ANXA11: variants seen among roughly 807,000 people sequenced by gnomAD.
The protein encoded by ANXA11 is 56 kDa autoantigen.
ANXA11 carries 57 observed loss-of-function variants against 64.7 expected under a neutral mutation model. The ratio of observed to expected loss-of-function variants is 0.88; its 90% CI spans 0.71 to 1.10. ANXA11 has a LOEUF of 1.10. ANXA11 is among the 50% of genes least tolerant of loss of function. The pLI is 0.00. For missense variants in ANXA11, 675 were observed against 670.7 expected (o/e 1.01, Z -0.07); for synonymous variants, 260 against 265.2 (o/e 0.98, Z 0.19).
chr10:80,168,914 C>G, intron 5 of ANXA11, 55 bp downstream of exon 5: 1 of 1,453,276 alleles, frequency 6.9e-7, no homozygotes, highest in Non-Finnish European at 9.1e-7. Context: ...AGCCATGTGT[C>G]TCCAGCCTTT....
chr10:80,171,141 T>C, intron 3 of ANXA11: 3 of 1,453,068 alleles, frequency 2.1e-6, no homozygotes, highest in Non-Finnish European at 2.7e-6. Context: ...AAGGTGGAGT[T>C]CCCCAAACAC....
chr10:80,169,486 T>C (rs533596645), intron 4 of ANXA11, 128 bp from the exon 5 acceptor site: 9 of 1,112,320 alleles, frequency 8.1e-6, no homozygotes, highest in South Asian at 2.7e-5. Context: ...AGTACCGTTA[T>C]ACCCATTTCA....
chr10:80,171,774 T>C lies in ANXA11; in HGVS notation c.56-859A>G, dbSNP rs553508721. On this transcript the variant is annotated intron_variant, in intron 3 of 15. Coordinates refer to ENST00000422982, the MANE Select transcript of ANXA11 (RefSeq NM_145868.2). ...TCCCTAAATTTCCTGCCTCCTCCTC[T>C]CTTGCTGCTCAGAGGCTGCTCAGCT... The C allele has an allele frequency of 5.2e-5, 51 of 985,558 alleles. No individual in the cohort carries two copies. The African/African-American group carries it at 8.0e-4, about 15-fold the overall frequency. The allele number at this position is 985,558 out of a possible 1,614,324, so 61.1% of individuals were successfully genotyped here.
At chr10:80,204,582 T>C (rs934162469) in intron 1 of ANXA11, among the ~76,000 whole-genome samples, 3 of 152,238 alleles carry the variant, frequency 2.0e-5, no homozygotes. Flanking sequence ...GTTTCCAGCT[T>C]GGGCTAGCAC....
chr10:80,167,819 G>A (rs1845807251), intron 5 of ANXA11, among the ~76,000 whole-genome samples: 1 of 152,190 alleles, frequency 6.6e-6, no homozygotes, highest in Non-Finnish European at 1.5e-5. Context: ...CCCTCGCACT[G>A]TTCTCTAGAC....
At chr10:80,188,371 G>A (rs545403049) in intron 1 of ANXA11, among the ~76,000 whole-genome samples, 9 of 150,630 alleles carry the variant, frequency 6.0e-5, no homozygotes, top group Non-Finnish European at 1.3e-4. Flanking sequence ...CTTGTTAGCT[G>A]TGTGACCCTG....
At chr10:80,182,386 C>G (rs1372609930) in intron 1 of ANXA11, among the ~76,000 whole-genome samples, 1 of 151,968 alleles carries the variant, frequency 6.6e-6, no homozygotes, top group East Asian at 1.9e-4. Context: ...AGCATTCTTC[C>G]CTCTATCCTT....
chr10:80,158,098 G>T, intron 13 of ANXA11, 73 bp from the exon 14 acceptor site: 1 of 1,440,942 alleles, frequency 6.9e-7, no homozygotes, highest in Non-Finnish European at 9.8e-7. Flanking sequence ...GAGTCTACAA[G>T]TGTCCTCTTA....
chr10:80,174,200 A>G (rs1281332183), intron 2 of ANXA11, among the ~76,000 whole-genome samples: 4 of 150,690 alleles, frequency 2.7e-5, no homozygotes, highest in African/African-American at 9.7e-5. Context: ...GCCACCACAC[A>G]CAGCTAATTT....
intron 1 of ANXA11, among the ~76,000 whole-genome samples, chr10:80,193,507 G>A (rs192507382): frequency 5.9e-5 from 9 of 151,976 alleles, no homozygotes; most frequent in Admixed American, 3.9e-4. Context: ...GAATTATAAA[G>A]CACAATAAAA....
rs534165636 is a variant in ANXA11, at chr10:80,155,565, T to C, written c.*288A>G. 2.3e-6 allele frequency: 1 copy of C among 442,356 alleles called. No individual in the cohort carries two copies. Among genetic ancestry groups the C allele is most frequent in the Admixed American group, 4.0e-5 (1 of 25,208 alleles). The allele number at this position is 442,356 out of a possible 1,614,324, so 27.4% of individuals were successfully genotyped here. ...TACATGACGAAATGAAGCCAAGTCT[T>C]AGCCACAGGCAAAGGGGAATGATTG... On this transcript the variant is annotated 3_prime_UTR_variant, in exon 16 of 16. Transcript: ENST00000422982.
rs150774257 is a variant in ANXA11, at chr10:80,192,544, G to A, written c.-58+12799C>T. ...TATAATCAATAATATCCTTAGAGAC[G>A]GAAGAGAAAATGTTATATCCACAAA... On this transcript the variant is annotated intron_variant, in intron 1 of 15. Transcript: ENST00000422982. Among the ~76,000 whole-genome samples the A allele has an allele frequency of 4.8e-3, 724 of 152,226 alleles. 2 individuals are homozygous for A. Among genetic ancestry groups the A allele is most frequent in the African/African-American group, 0.016 (675 of 41,546 alleles).
rs115131859 is a variant in ANXA11 at position 80,156,211 on chromosome 10, G to A, written c.1459-299C>T. On this transcript the variant is annotated intron_variant, in intron 15 of 15. Coordinates refer to ENST00000422982, the MANE Select transcript of ANXA11 (RefSeq NM_145868.2). ...CCACTTCCCAGGGCTAACCAATATT[G>A]CTGTTTTCCCAGTGCATTTATGCTG... 4.3e-3 allele frequency among the ~76,000 whole-genome samples: 648 copies of A among 152,254 alleles called. 5 individuals carry two copies. Among genetic ancestry groups the A allele is most frequent in the African/African-American group, 0.015 (609 of 41,568 alleles).
At chr10:80,190,046 T>A (rs1475626785) in intron 1 of ANXA11, among the ~76,000 whole-genome samples, 1 of 152,264 alleles carries the variant, frequency 6.6e-6, no homozygotes, top group Admixed American at 6.5e-5. Flanking sequence ...TCCACCTATA[T>A]GAAGTCTCCA....
chr10:80,184,300 G>A (rs751155062), intron 1 of ANXA11, among the ~76,000 whole-genome samples: 2 of 152,186 alleles, frequency 1.3e-5, no homozygotes, highest in African/African-American at 2.4e-5. Flanking sequence ...ATCATGAGTT[G>A]AAAATGCATT....
chr10:80,166,120 G>T lies in ANXA11; in HGVS notation c.822C>A (p.Val274=). The T allele has an allele frequency of 6.2e-7, 1 of 1,611,808 alleles. No homozygotes were observed. Among genetic ancestry groups the T allele is most frequent in the Non-Finnish European group, 8.5e-7 (1 of 1,178,532 alleles). ...CCTTTATCTCATAAATGTCAAAGAG[G>T]ACTGGGGTCTTCATCAGAGCCAAGA... The part of the protein sequence containing the change: ...KTILALMKTP[V]LFDIYEIKEA... Residue 274 remains valine (V), a synonymous_variant, in exon 8 of 16, where the codon GTC becomes GTA. Transcript: ENST00000422982.
intron 1 of ANXA11, among the ~76,000 whole-genome samples, chr10:80,202,206 C>CGGG (rs1554836428): frequency 7.7e-4 from 113 of 147,038 alleles, no homozygotes; most frequent in South Asian, 1.3e-3. Context: ...GGGGGGGAAG[C>CGGG]GGGGGGTCTC....
chr10:80,169,168 G>T lies in ANXA11; in HGVS notation c.362C>A (p.Pro121Gln), dbSNP rs201092252. 2.5e-6 allele frequency: 4 copies of T among 1,587,200 alleles called. No homozygotes were observed. In the Admixed American group the frequency reaches 7.4e-5, roughly 29 times the overall value. ...GNPPSRMPSY[P>Q]PYPGAPVPGQ... Reference sequence around the variant, plus strand: ...CGGCACAGGGGCCCCTGGGTATGGCGGATATGAGGGCATCCTGGAGGGTGG... The same window carrying T: ...CGGCACAGGGGCCCCTGGGTATGGCTGATATGAGGGCATCCTGGAGGGTGG... The change falls in exon 5 of 16, where the codon CCG becomes CAG. Residue 121 changes from proline (P) to glutamine (Q), a missense_variant. Transcript: ENST00000422982.
chr10:80,162,042 A>G lies in ANXA11; in HGVS notation c.1087-14T>C. ...CGCATACAGCTCCTGGAGAGAGAGG[A>G]AGACGCACATGTGGCACAGGCCACA... On this transcript the variant is annotated splice_polypyrimidine_tract_variant and intron_variant, in intron 11 of 15. Transcript: ENST00000422982. The G allele has an allele frequency of 3.7e-6, 6 of 1,605,696 alleles. No individual in the cohort carries two copies. Among genetic ancestry groups the G allele is most frequent in the Non-Finnish European group, 4.2e-6 (5 of 1,176,918 alleles).
Sources: allele counts gnomAD v4.1 joint callset (sites outside exome capture counted in the v4.1 genomes callset), GRCh38; gene constraint gnomAD v4.1.1; transcripts MANE v1.5; gene names NCBI Gene and HGNC (gene_info 2026-07-23, HGNC 2026-07-21).